Variants in BCL2L12 observed in about 807,000 individuals in gnomAD.
The protein encoded by BCL2L12 is bcl-2-like protein 12.
In BCL2L12, 27 loss-of-function variants were observed where a neutral mutation model predicts 25.7. The observed-to-expected ratio is 1.05, with a 90% CI of 0.78 to 1.45. The LOEUF is 1.45. BCL2L12 is among the 40% of genes most tolerant of loss of function. The pLI, the probability that BCL2L12 is intolerant of heterozygous loss-of-function variation, is 0.00. For missense variants in BCL2L12, 302 were observed against 329.8 expected, an observed-to-expected ratio of 0.92 and a Z score of 0.65; for synonymous variants, 132 against 145.6, an observed-to-expected ratio of 0.91 and a Z score of 0.67.
intron 5 of BCL2L12, among the ~76,000 whole-genome samples, 171 bp from the exon 6 acceptor site, chr19:49,670,045 G>T (rs1260424071): frequency 1.3e-5 from 2 of 152,184 alleles, no homozygotes. Flanking sequence ...TATCCCGGGG[G>T]TAGTTTGGCA....
At chr19:49,673,300 C>T (rs1220158977) in intron 6 of BCL2L12, among the ~76,000 whole-genome samples, 1 of 151,904 alleles carries the variant, frequency 6.6e-6, no homozygotes, top group Non-Finnish European at 1.5e-5. Flanking sequence ...TTATTGTCCT[C>T]GTCTTGTGGG....
chr19:49,666,252 G>A lies in BCL2L12; in HGVS notation c.-9+185G>A, dbSNP rs146612551. ...TGCGCGGCGAAGAAGCGCGGACCTAGGGGAAGATTTGCCCTGAAACCTCTT... is the reference window on the plus strand; with the variant it reads ...TGCGCGGCGAAGAAGCGCGGACCTAAGGGAAGATTTGCCCTGAAACCTCTT... On this transcript the variant is annotated intron_variant, in intron 1 of 6. Transcript: ENST00000246784. Among the ~76,000 whole-genome samples, 15 of 152,364 alleles carry A rather than the reference G, an allele frequency of 9.8e-5. No homozygotes were observed. In the East Asian group the frequency reaches 2.9e-3, roughly 29 times the overall value.
rs1238967225 is a variant in BCL2L12, at chr19:49,670,449, G to A, written c.663G>A (p.Val221=). The part of the protein sequence containing the change: ...GTLAGLSVEH[V]HSFTPWIQAH... ...TGGCCGGACTCAGCGTGGAGCACGT[G>A]CACAGCTTCACGCCCTGGATCCAGG... The change falls in exon 6 of 7, where the codon GTG becomes GTA. Residue 221 remains valine (V), a synonymous_variant. Coordinates refer to ENST00000246784, the MANE Select transcript of BCL2L12 (RefSeq NM_138639.2). The A allele has an allele frequency of 1.3e-6, 2 of 1,539,096 alleles. No homozygotes were observed. The highest frequency in any genetic ancestry group is 2.5e-5 in the East Asian group (1 of 40,640).
Position 49,672,445 on chromosome 19 carries a change from T to C in BCL2L12, c.703-1253T>C, listed in dbSNP as rs1025433871. Among the ~76,000 whole-genome samples, 1 of 152,268 alleles carries C rather than the reference T, an allele frequency of 6.6e-6. No individual in the cohort carries two copies. The highest frequency in any genetic ancestry group is 6.5e-5 in the Admixed American group (1 of 15,292). On this transcript the variant is annotated intron_variant, in intron 6 of 6. Coordinates refer to ENST00000246784, the MANE Select transcript of BCL2L12 (RefSeq NM_138639.2). This position sits in a 1 kb window ranked among gnomAD's most constrained non-coding sequence, Gnocchi z 4.1. ...GGTGAGTGACAACTCGGACTTTGAC[T>C]CTGGGTAAGCCAAGGTCTCTGAGCA... is the stretch of plus-strand genomic sequence containing the variant.
intron 6 of BCL2L12, 33 bp downstream of exon 6, chr19:49,670,521 A>T (rs1179905637): frequency 1.3e-6 from 2 of 1,529,922 alleles, no homozygotes; most frequent in Non-Finnish European, 1.8e-6. Flanking sequence ...TCCGGGCCTC[A>T]CTTTACCTAA....
upstream of BCL2L12, chr19:49,665,869 G>A: frequency 6.2e-7 from 1 of 1,610,226 alleles, no homozygotes; most frequent in Non-Finnish European, 8.5e-7. Flanking sequence ...CCCTTTTTTG[G>A]GTTTCCGGCC....
intron 6 of BCL2L12, among the ~76,000 whole-genome samples, chr19:49,670,700 G>C (rs889371261): frequency 4.6e-5 from 7 of 152,244 alleles, no homozygotes; most frequent in African/African-American, 1.4e-4. Context: ...CTAATACTGT[G>C]AGCGTGAAAC....
chr19:49,669,486 A>C (rs2081905539), intron 5 of BCL2L12, among the ~76,000 whole-genome samples: 1 of 151,816 alleles, frequency 6.6e-6, no homozygotes, highest in Admixed American at 6.6e-5. Context: ...CAGTGAGCCA[A>C]GATTGCGCCA....
At chr19:49,668,368 G>A (rs1019619676) in intron 3 of BCL2L12, among the ~76,000 whole-genome samples, 4 of 151,730 alleles carry the variant, frequency 2.6e-5, no homozygotes, top group Non-Finnish European at 4.4e-5. Flanking sequence ...CAAAGTGATG[G>A]GATTACAGGC....
At chr19:49,665,634 C>G, upstream of BCL2L12, 1 of 695,300 alleles carries the variant, frequency 1.4e-6, no homozygotes, top group Non-Finnish European at 2.3e-6. Flanking sequence ...GCGTTACCTA[C>G]GATGGAAGGT....
intron 2 of BCL2L12, 107 bp downstream of exon 2, chr19:49,666,906 C>T: frequency 6.6e-7 from 1 of 1,523,994 alleles, no homozygotes; most frequent in Non-Finnish European, 8.9e-7. Flanking sequence ...GCTCTATTCT[C>T]TGTCTTTGGG....
chr19:49,665,674 C>CT, upstream of BCL2L12: 1 of 1,102,830 alleles, frequency 9.1e-7, no homozygotes, highest in Non-Finnish European at 1.3e-6. Flanking sequence ...GAACCCACCC[C>CT]TGTCTTGGAG....
upstream of BCL2L12, chr19:49,665,560 G>A (rs1246851604): frequency 1.3e-5 from 6 of 479,974 alleles, no homozygotes; most frequent in Admixed American, 3.4e-5. Flanking sequence ...CACTCTCCGT[G>A]CAGACCCATC....
At chr19:49,665,668 C>T (rs553156840), upstream of BCL2L12, 2 of 1,013,488 alleles carry the variant, frequency 2.0e-6, no homozygotes, top group South Asian at 1.7e-5. Context: ...CAGCTGGAAC[C>T]CACCCCTGTC....
chr19:49,665,508 C>T (rs143931729), upstream of BCL2L12: 1,428 of 283,396 alleles, frequency 5.0e-3, 7 homozygotes, highest in Non-Finnish European at 7.4e-3. Flanking sequence ...ACTGTAGCTC[C>T]TTCCTTGCTC....
chr19:49,673,306 G>C (rs2081998146), intron 6 of BCL2L12, among the ~76,000 whole-genome samples: 1 of 152,018 alleles, frequency 6.6e-6, no homozygotes, highest in African/African-American at 2.4e-5. Context: ...TCCTCGTCTT[G>C]TGGGGGCAGA....
upstream of BCL2L12, chr19:49,665,721 C>G (rs533084354): frequency 6.9e-7 from 1 of 1,456,504 alleles, no homozygotes. Context: ...TGCGCACCCC[C>G]TTTCCCGTCA....
In BCL2L12 at chr19:49,670,326, A is replaced by G. The variant is rs1568478586; in HGVS notation, c.540A>G (p.Arg180=). ...CSRDDSSRPS[R]ACPGPPPPSP... is the part of the protein sequence containing the mutation. ...GGGATGACAGCTCTCGCCCAAGCCG[A>G]GCATGCCCCGGGCCCCCGCCTCCTT... Residue 180 remains arginine (R), a synonymous_variant, in exon 6 of 7, where the codon CGA becomes CGG. Transcript: ENST00000246784. 1.2e-6 allele frequency: 2 copies of G among 1,605,128 alleles called. No individual in the cohort carries two copies. Among genetic ancestry groups the G allele is most frequent in the Admixed American group, 1.7e-5 (1 of 59,314 alleles).
In BCL2L12 at chr19:49,668,831, A is replaced by G. The variant is rs1361367845; in HGVS notation, c.251-20A>G. 4 of 1,606,960 alleles carry G rather than the reference A, an allele frequency of 2.5e-6. No homozygotes were observed. The highest frequency in any genetic ancestry group is 3.4e-6 in the Non-Finnish European group (4 of 1,175,422). On this transcript the variant is annotated intron_variant, in intron 3 of 6. Coordinates refer to ENST00000246784, the MANE Select transcript of BCL2L12 (RefSeq NM_138639.2). ...GTTTCCAATGTCCTGGAAACCTGTC[A>G]TTAACTCTTTTCACCCCAGGCCCAG...
Sources: gnomAD v4.1 joint callset for allele counts (sites outside exome capture counted in the v4.1 genomes callset) on GRCh38, gnomAD v4.1.1 for gene constraint, Gnocchi (gnomAD v3.1) non-coding constraint, MANE v1.5 for transcripts, NCBI Gene and HGNC (gene_info 2026-07-23, HGNC 2026-07-21) for gene names.